APLF: variants seen among roughly 807,000 people sequenced by gnomAD.
APLF encodes the protein aprataxin and PNK-like factor.
APLF carries 61 observed loss-of-function variants against 55.6 expected under a neutral mutation model. The observed-to-expected ratio is 1.10, with a 90% CI of 0.89 to 1.36. The LOEUF (loss-of-function observed/expected upper bound fraction) is 1.36, where lower values mean the gene tolerates loss of function less well. Among genes scored for constraint, APLF ranks in the 40% most tolerant of loss-of-function variants. The pLI is 0.00. For synonymous variants in APLF, 207 were observed against 214.8 expected (o/e 0.96, Z 0.32); for missense variants, 611 against 602.5 (o/e 1.01, Z -0.15).
intron 9 of APLF, among the ~76,000 whole-genome samples, chr2:68,571,447 A>G (rs1286397244): frequency 1.3e-5 from 2 of 152,098 alleles, no homozygotes; most frequent in Non-Finnish European, 2.9e-5. Context: ...TTAAGTCTTT[A>G]ATCCATCTTG....
In APLF at chr2:68,545,240, G is replaced by T; in HGVS notation, c.1214G>T (p.Gly405Val). 3 of 1,613,820 alleles carry T rather than the reference G, an allele frequency of 1.9e-6. No individual in the cohort carries two copies. Among genetic ancestry groups the T allele is most frequent in the Non-Finnish European group, 2.5e-6 (3 of 1,179,868 alleles). ...HFSHPGDSDY[G>V]GVQIVGQDET... is the part of the protein sequence containing the mutation. ...AGCCATCCTGGTGATAGTGATTATG[G>T]AGGTGTACAAATCGTGGGCCAAGAT... The change falls in exon 8 of 10, where the codon GGA (glycine) becomes GTA (valine). Residue 405 changes from glycine (G) to valine (V), a missense_variant. By Grantham distance (109) the Gly-to-Val change is moderately radical. Coordinates refer to ENST00000303795, the MANE Select transcript of APLF (RefSeq NM_173545.3).
At chr2:68,577,679 C>A in intron 9 of APLF, 141 bp from the exon 10 acceptor site, 1 of 966,692 alleles carries the variant, frequency 1.0e-6, no homozygotes, top group Non-Finnish European at 1.5e-6. Context: ...ATTTTAGTGC[C>A]GTTTCCAGAA....
chr2:68,568,431 T>C (rs1573276184), intron 9 of APLF: 1 of 449,812 alleles, frequency 2.2e-6, no homozygotes, highest in Non-Finnish European at 2.9e-6. Flanking sequence ...AGTGCTTTAG[T>C]ACTCCAGACA....
chr2:68,540,271 T>C (rs1208817395), intron 7 of APLF, among the ~76,000 whole-genome samples: 1 of 152,158 alleles, frequency 6.6e-6, no homozygotes, highest in African/African-American at 2.4e-5. Context: ...TTTGGTTTCC[T>C]GTTCTTGTGT....
chr2:68,578,415 A>T lies in APLF; in HGVS notation c.*393A>T. 1 of 991,802 alleles carries T rather than the reference A, an allele frequency of 1.0e-6. No homozygotes were observed. The highest frequency in any genetic ancestry group is 1.2e-6 in the Non-Finnish European group (1 of 834,064). 61.4% of individuals were successfully genotyped at this position (991,802 alleles called of 1,614,324 possible). Reference sequence around the variant, plus strand: ...ATAACCAGGCAAAGTACATGAAAACATGCCTCTTTTCATTGTTACTGAAGT... The same window carrying T: ...ATAACCAGGCAAAGTACATGAAAACTTGCCTCTTTTCATTGTTACTGAAGT... On this transcript the variant is annotated 3_prime_UTR_variant, in exon 10 of 10. Coordinates refer to ENST00000303795, the MANE Select transcript of APLF (RefSeq NM_173545.3).
intron 8 of APLF, among the ~76,000 whole-genome samples, chr2:68,549,224 T>C (rs2104025215): frequency 6.6e-6 from 1 of 152,204 alleles, no homozygotes; most frequent in Admixed American, 6.5e-5. Flanking sequence ...TCATTTGTTC[T>C]GAAGAGGATT....
intron 2 of APLF, among the ~76,000 whole-genome samples, chr2:68,499,378 C>T (rs566580169): frequency 7.9e-5 from 12 of 152,286 alleles, no homozygotes; most frequent in African/African-American, 2.6e-4. Context: ...CTCATTGAAG[C>T]AGTTGGGAGT....
intron 1 of APLF, among the ~76,000 whole-genome samples, chr2:68,480,722 C>T (rs1326696336): frequency 6.6e-6 from 1 of 152,038 alleles, no homozygotes; most frequent in Non-Finnish European, 1.5e-5. Context: ...TTCATCTTTT[C>T]CCCTTTCTGT....
intron 3 of APLF, among the ~76,000 whole-genome samples, chr2:68,511,968 TAAAAC>T (rs1449663628): frequency 2.6e-5 from 4 of 151,666 alleles, no homozygotes; most frequent in African/African-American, 9.7e-5. Context: ...AACGAACAAA[TAAAAC>T]AAGCGGTTAA....
intron 3 of APLF, among the ~76,000 whole-genome samples, chr2:68,506,378 G>A (rs1314067895): frequency 6.6e-6 from 1 of 151,540 alleles, no homozygotes; most frequent in Non-Finnish European, 1.5e-5. Flanking sequence ...CTGCTAGCAA[G>A]GGGAAGTGGA....
intron 5 of APLF, among the ~76,000 whole-genome samples, chr2:68,517,195 A>G (rs1669622514): frequency 8.0e-6 from 1 of 125,290 alleles, no homozygotes; most frequent in Non-Finnish European, 1.6e-5. Flanking sequence ...TTGATACATA[A>G]TATATTAATA....
At chr2:68,536,008 C>T (rs1034706180) in intron 6 of APLF, among the ~76,000 whole-genome samples, 4 of 152,120 alleles carry the variant, frequency 2.6e-5, no homozygotes, top group Admixed American at 6.5e-5. Flanking sequence ...TGATCTGCTC[C>T]ACTGCTACCT....
At chr2:68,544,131 G>A (rs1311566213) in intron 7 of APLF, among the ~76,000 whole-genome samples, 2 of 151,880 alleles carry the variant, frequency 1.3e-5, no homozygotes, top group South Asian at 4.2e-4. Flanking sequence ...GCAGATGTGC[G>A]CCACCAAGCC....
rs200849191 is a variant in APLF at position 68,513,501 on chromosome 2, A to G, written c.490-47A>G. 451 of 1,596,092 alleles carry G rather than the reference A, an allele frequency of 2.8e-4. 1 individual carries two copies. In the African/African-American group the frequency reaches 5.6e-3, roughly 20 times the overall value. Reference sequence around the variant, plus strand: ...TGCAAAGCAGATATTTTGCAAATTCATTCAAGATGTGTGATTATTTTTAGT... The same window carrying G: ...TGCAAAGCAGATATTTTGCAAATTCGTTCAAGATGTGTGATTATTTTTAGT... On this transcript the variant is annotated intron_variant, in intron 4 of 9. Transcript: ENST00000303795.
chr2:68,482,670 C>A (rs1676000341), intron 1 of APLF, among the ~76,000 whole-genome samples: 1 of 152,140 alleles, frequency 6.6e-6, no homozygotes, highest in East Asian at 1.9e-4. Flanking sequence ...GAAAGAGCCA[C>A]CAGGCTGTTT....
Position 68,578,119 on chromosome 2 carries a change from C to A in APLF, c.*97C>A, listed in dbSNP as rs577192353. On this transcript the variant is annotated 3_prime_UTR_variant, in exon 10 of 10. Coordinates refer to ENST00000303795, the MANE Select transcript of APLF (RefSeq NM_173545.3). ...AGGTACTTAAGTGACAGTTATTTTC[C>A]TTCTTTTGATAGTTAATGACTTTTA... The A allele has an allele frequency of 6.8e-7, 1 of 1,466,170 alleles. No homozygotes were observed. Among genetic ancestry groups the A allele is most frequent in the South Asian group, 1.4e-5 (1 of 69,376 alleles). 90.8% of individuals were successfully genotyped at this position (1,466,170 alleles called of 1,614,324 possible).
chr2:68,495,801 T>C (rs923980999), intron 2 of APLF, among the ~76,000 whole-genome samples: 1 of 152,254 alleles, frequency 6.6e-6, no homozygotes, highest in African/African-American at 2.4e-5. Context: ...TTGCACTCTG[T>C]GTACCCACAG....
At chr2:68,512,240 A>G (rs1669404559) in intron 3 of APLF, among the ~76,000 whole-genome samples, 1 of 151,644 alleles carries the variant, frequency 6.6e-6, no homozygotes, top group Non-Finnish European at 1.5e-5. Flanking sequence ...GCAACCATTA[A>G]TATGATTTCT....
chr2:68,502,941 T>C, intron 3 of APLF, 38 bp downstream of exon 3: 1 of 1,566,546 alleles, frequency 6.4e-7, no homozygotes, highest in Middle Eastern at 1.8e-4. Context: ...AATGTTATTT[T>C]TAATCTAATT....
Sources: gnomAD v4.1 joint callset for allele counts (sites outside exome capture counted in the v4.1 genomes callset) on GRCh38, gnomAD v4.1.1 for gene constraint, MANE v1.5 for transcripts, NCBI Gene and HGNC (gene_info 2026-07-23, HGNC 2026-07-21) for gene names.